SLC24A2: variants seen among roughly 807,000 people sequenced by gnomAD.
SLC24A2 encodes the protein sodium/potassium/calcium exchanger 2.
Under a neutral mutation model 62.0 loss-of-function variants are expected in SLC24A2, and 36 were observed. That is an observed-to-expected ratio of 0.58 (90% confidence interval 0.44 to 0.77). The LOEUF is 0.77. Among genes scored for constraint, SLC24A2 ranks in the 30% least tolerant of loss-of-function variants. The pLI is 0.00. For synonymous variants in SLC24A2, 358 were observed against 294.0 expected, an observed-to-expected ratio of 1.22 and a Z score of -2.23; for missense variants, 846 against 817.9, an observed-to-expected ratio of 1.03 and a Z score of -0.42.
chr9:19,892,441 C>T, the SLC24A2 span, among the ~76,000 whole-genome samples: 2 of 152,230 alleles, frequency 1.3e-5, no homozygotes, highest in South Asian at 4.1e-4. Flanking sequence ...TCTTGTTCTT[C>T]ACAATATTCT....
chr9:20,096,560 G>A, the SLC24A2 span, among the ~76,000 whole-genome samples: 37 of 151,572 alleles, frequency 2.4e-4, no homozygotes, highest in African/African-American at 9.0e-4. Context: ...TTTTTATCTT[G>A]GCATTTTATC....
chr9:20,106,752 G>C, the SLC24A2 span, among the ~76,000 whole-genome samples: 4 of 152,110 alleles, frequency 2.6e-5, no homozygotes, highest in Non-Finnish European at 5.9e-5. Flanking sequence ...ATACTGAATG[G>C]ACAAAAACTG....
the SLC24A2 span, among the ~76,000 whole-genome samples, chr9:20,291,177 T>A: frequency 9.3e-4 from 142 of 152,122 alleles, no homozygotes; most frequent in Middle Eastern, 3.4e-3. Context: ...CTTAAGCAAC[T>A]GAGAGCAAGC....
the SLC24A2 span, among the ~76,000 whole-genome samples, chr9:19,941,001 A>G: frequency 6.6e-6 from 1 of 152,232 alleles, no homozygotes; most frequent in African/African-American, 2.4e-5. Context: ...AACGCAGGCC[A>G]CAGAGGTCAA....
intron 2 of SLC24A2, among the ~76,000 whole-genome samples, chr9:19,641,261 C>T (rs901843434): frequency 6.6e-6 from 1 of 152,226 alleles, no homozygotes; most frequent in African/African-American, 2.4e-5. Context: ...CTCTTGTGTT[C>T]TCACACAATC....
intron 7 of SLC24A2, among the ~76,000 whole-genome samples, chr9:19,566,949 G>T (rs917903847): frequency 5.3e-5 from 8 of 151,666 alleles, no homozygotes; most frequent in African/African-American, 1.9e-4. Flanking sequence ...ATCACACACC[G>T]GGGCCTGTTG....
intron 2 of SLC24A2, among the ~76,000 whole-genome samples, chr9:19,690,234 T>C (rs1820004891): frequency 6.6e-6 from 1 of 152,116 alleles, no homozygotes; most frequent in South Asian, 2.1e-4. Flanking sequence ...ATTGGTTCTA[T>C]TTCTCTGGAG....
At chr9:20,122,599 T>C in the SLC24A2 span, among the ~76,000 whole-genome samples, 2 of 151,950 alleles carry the variant, frequency 1.3e-5, no homozygotes, top group African/African-American at 4.8e-5. Flanking sequence ...GGCAGGAGAA[T>C]TGCTTGAACC....
chr9:19,743,923 G>T lies in SLC24A2; in HGVS notation c.930+42014C>A, dbSNP rs558098092. On this transcript the variant is annotated intron_variant, in intron 2 of 10. Transcript: ENST00000341998. ...CACTTTATTAGCCCATGTATAAACT[G>T]TGGGGTTATGTTTATTTGATTGCTT... Among the ~76,000 whole-genome samples the T allele has an allele frequency of 2.0e-3, 303 of 152,250 alleles. 2 individuals carry two copies. The highest frequency in any genetic ancestry group is 6.8e-3 in the African/African-American group (283 of 41,560).
At chr9:20,111,475 G>A in the SLC24A2 span, among the ~76,000 whole-genome samples, 2 of 152,112 alleles carry the variant, frequency 1.3e-5, no homozygotes, top group South Asian at 4.1e-4. Context: ...TTATAAATAA[G>A]CCCTTTATTA....
At chr9:20,289,843 G>C in the SLC24A2 span, among the ~76,000 whole-genome samples, 1 of 152,144 alleles carries the variant, frequency 6.6e-6, no homozygotes, top group South Asian at 2.1e-4. Context: ...TGGAAACTGT[G>C]TACTGGGTTG....
chr9:19,997,153 T>G, the SLC24A2 span, among the ~76,000 whole-genome samples: 1 of 152,230 alleles, frequency 6.6e-6, no homozygotes. Flanking sequence ...AAGAGAGATT[T>G]AGAACTTAGT....
the SLC24A2 span, among the ~76,000 whole-genome samples, chr9:20,099,003 C>T: frequency 6.6e-6 from 1 of 152,302 alleles, no homozygotes; most frequent in Non-Finnish European, 1.5e-5. Context: ...AGCTTTAAAA[C>T]ACATCATTAT....
At chr9:19,854,998 G>T in the SLC24A2 span, among the ~76,000 whole-genome samples, 1 of 152,118 alleles carries the variant, frequency 6.6e-6, no homozygotes, top group Non-Finnish European at 1.5e-5. Context: ...ATATATTTAG[G>T]ATAATAAGCT....
chr9:20,079,263 G>C, the SLC24A2 span, among the ~76,000 whole-genome samples: 1 of 152,088 alleles, frequency 6.6e-6, no homozygotes, highest in African/African-American at 2.4e-5. Context: ...AGAAAATAAA[G>C]TTATGTTGCT....
intron 7 of SLC24A2, among the ~76,000 whole-genome samples, chr9:19,564,524 C>T (rs1304581759): frequency 2.5e-5 from 3 of 121,822 alleles, no homozygotes; most frequent in Non-Finnish European, 3.5e-5. Context: ...TGTTATCTAC[C>T]TACCTATCTC....
At chr9:19,907,597 T>C in the SLC24A2 span, among the ~76,000 whole-genome samples, 1 of 152,178 alleles carries the variant, frequency 6.6e-6, no homozygotes. Context: ...CAGCCCAAAA[T>C]CTACTTAAGC....
At chr9:20,285,562 T>G in the SLC24A2 span, among the ~76,000 whole-genome samples, 180 of 152,250 alleles carry the variant, frequency 1.2e-3, no homozygotes, top group African/African-American at 4.1e-3. Flanking sequence ...CTTAGGCCTT[T>G]AACTCATAGG....
At chr9:19,919,438 A>G in the SLC24A2 span, among the ~76,000 whole-genome samples, 56 of 152,370 alleles carry the variant, frequency 3.7e-4, no homozygotes, top group African/African-American at 1.3e-3. Context: ...CAAGGAAAGC[A>G]TTTAAAGAGA....
Sources: allele counts gnomAD v4.1 joint callset (sites outside exome capture counted in the v4.1 genomes callset), GRCh38; gene constraint gnomAD v4.1.1; transcripts MANE v1.5; gene names NCBI Gene and HGNC (gene_info 2026-07-23, HGNC 2026-07-21).